The following PCDHGC3 variants were observed in gnomAD, a reference collection of about 807,000 sequenced individuals.
PCDHGC3 encodes the protein protocadherin gamma subfamily C, 3, also known as protocadherin gamma-C3.
A neutral mutation model predicts 59.2 loss-of-function variants in PCDHGC3; 26 were observed. The observed-to-expected ratio is 0.44, with a 90% CI of 0.32 to 0.61. The LOEUF is 0.61. PCDHGC3 is among the 20% of genes least tolerant of loss of function. PCDHGC3 has a pLI of 0.05. For missense variants in PCDHGC3, 1,080 were observed against 1,221.8 expected, an observed-to-expected ratio of 0.88 and a Z score of 1.73; for synonymous variants, 487 against 519.7, an observed-to-expected ratio of 0.94 and a Z score of 0.86.
chr5:141,503,528 G>A (rs1411240550), intron 2 of PCDHGC3, among the ~76,000 whole-genome samples: 2 of 151,470 alleles, frequency 1.3e-5, no homozygotes, highest in Non-Finnish European at 2.9e-5. Flanking sequence ...GAACCTGGGA[G>A]GCAGAGGTTG....
At chr5:141,494,188 T>C (rs2099752632) in intron 1 of PCDHGC3, among the ~76,000 whole-genome samples, 1 of 152,186 alleles carries the variant, frequency 6.6e-6, no homozygotes, top group South Asian at 2.1e-4. Flanking sequence ...GTCCCGGGAC[T>C]TGGATGCCCC....
chr5:141,487,656 C>G lies in PCDHGC3; in HGVS notation c.2431-7151C>G. ...GCTCAACAAATGCTTGAGGGTTATT[C>G]TGATCCAGGCATATGGCTAGGCCAT... On this transcript the variant is annotated intron_variant, in intron 1 of 3. Coordinates refer to ENST00000308177, the MANE Select transcript of PCDHGC3 (RefSeq NM_002588.4). The surrounding 1 kb of genome is among the most constrained non-coding windows in gnomAD (Gnocchi z 5.0). 6.2e-7 allele frequency: 1 copy of G among 1,613,658 alleles called. No individual in the cohort carries two copies. Among genetic ancestry groups the G allele is most frequent in the Non-Finnish European group, 8.5e-7 (1 of 1,179,794 alleles).
rs964965013 is a variant in PCDHGC3 at position 141,489,097 on chromosome 5, C to G, written c.2431-5710C>G. The G allele has an allele frequency of 6.4e-6, 2 of 313,448 alleles. No homozygotes were observed. The highest frequency in any genetic ancestry group is 1.1e-4 in the South Asian group (2 of 18,596). 19.4% of individuals were successfully genotyped at this position (313,448 alleles called of 1,614,324 possible). The stretch of plus-strand genomic sequence containing the variant: ...ACCCCCGCCACTCGGTGACTAAGAA[C>G]TGCTGCAAGCAGGCAAACCTCCGAG... On this transcript the variant is annotated intron_variant, in intron 1 of 3. Coordinates refer to ENST00000308177, the MANE Select transcript of PCDHGC3 (RefSeq NM_002588.4). This position sits in a 1 kb window ranked among gnomAD's most constrained non-coding sequence, Gnocchi z 4.5.
rs775204388 is a variant in PCDHGC3, at chr5:141,490,235, G to T, written c.2431-4572G>T. On this transcript the variant is annotated intron_variant, in intron 1 of 3. Transcript: ENST00000308177. This position sits in a 1 kb window ranked among gnomAD's most constrained non-coding sequence, Gnocchi z 5.4. ...GACCAGGGACAGCCTGCCATGGAGG[G>T]CCACTGTGTGATTCAAGTGGATGTG... 1 of 1,614,228 alleles carries T rather than the reference G, an allele frequency of 6.2e-7. No homozygotes were observed. The highest frequency in any genetic ancestry group is 1.1e-5 in the South Asian group (1 of 91,084).
At position 141,499,673 on chromosome 5, in the gene PCDHGC3, C is replaced by A. The variant is rs1193484216; in HGVS notation, c.2489+4808C>A. Among the ~76,000 whole-genome samples the A allele has an allele frequency of 2.7e-5, 4 of 150,550 alleles. No individual in the cohort carries two copies. In the East Asian group the frequency reaches 7.8e-4, roughly 29 times the overall value. On this transcript the variant is annotated intron_variant, in intron 2 of 3. Transcript: ENST00000308177. ...CATATAATTTCATCTTGGTCTCCACCATCTTTAACAGATGACTTTTTTTTT... is the reference window on the plus strand; with the variant it reads ...CATATAATTTCATCTTGGTCTCCACAATCTTTAACAGATGACTTTTTTTTT...
chr5:141,503,136 A>G (rs1352550702), intron 2 of PCDHGC3, among the ~76,000 whole-genome samples: 5 of 151,846 alleles, frequency 3.3e-5, no homozygotes, highest in Admixed American at 2.0e-4. Context: ...GTAGCCCCTG[A>G]CACAGCCCAT....
In PCDHGC3 at chr5:141,511,519, C is replaced by G; in HGVS notation, c.*346C>G. 2.7e-6 allele frequency: 1 copy of G among 367,516 alleles called. No homozygotes were observed. Among genetic ancestry groups the G allele is most frequent in the African/African-American group, 2.1e-5 (1 of 48,286 alleles). 22.8% of individuals were successfully genotyped at this position (367,516 alleles called of 1,614,324 possible). A position where few individuals can be genotyped will look rare whatever the true frequency, so the allele number is the denominator to read the frequency against. ...CCAAATCAATCAGGCCCATCCATCC[C>G]ATGCCTCCCTCCTCCCCACCCCACT... On this transcript the variant is annotated 3_prime_UTR_variant, in exon 4 of 4. Coordinates refer to ENST00000308177, the MANE Select transcript of PCDHGC3 (RefSeq NM_002588.4).
chr5:141,494,100 G>A (rs559145191), intron 1 of PCDHGC3, among the ~76,000 whole-genome samples: 7 of 152,270 alleles, frequency 4.6e-5, no homozygotes, highest in South Asian at 2.1e-4. Flanking sequence ...ATTTTTCTCC[G>A]TCTCAGACAG....
In PCDHGC3 at chr5:141,487,227, G is replaced by A. The variant is rs763361726; in HGVS notation, c.2431-7580G>A. The A allele has an allele frequency of 6.2e-7, 1 of 1,614,070 alleles. No individual in the cohort carries two copies. Among genetic ancestry groups the A allele is most frequent in the Non-Finnish European group, 8.5e-7 (1 of 1,179,952 alleles). On this transcript the variant is annotated intron_variant, in intron 1 of 3. Transcript: ENST00000308177. The surrounding 1 kb of genome is among the most constrained non-coding windows in gnomAD (Gnocchi z 5.0). The stretch of plus-strand genomic sequence containing the variant: ...CGAGAATCTTCAGCTCCAAGGGAAG[G>A]AGAATCTCGTCTAACCCTCTACTTG...
rs2099745591 is a variant in PCDHGC3, at chr5:141,492,999, T to C, written c.2431-1808T>C. Among the ~76,000 whole-genome samples, 3 of 152,350 alleles carry C rather than the reference T, an allele frequency of 2.0e-5. No homozygotes were observed. In the South Asian group the frequency reaches 6.2e-4, roughly 32 times the overall value. ...CTGTCTCCTCTGGCAGATGGAAAGCTATAGGCTCTGCCAGATGCCAGGGTG... is the reference window on the plus strand; with the variant it reads ...CTGTCTCCTCTGGCAGATGGAAAGCCATAGGCTCTGCCAGATGCCAGGGTG... On this transcript the variant is annotated intron_variant, in intron 1 of 3. Coordinates refer to ENST00000308177, the MANE Select transcript of PCDHGC3 (RefSeq NM_002588.4).
intron 3 of PCDHGC3, among the ~76,000 whole-genome samples, chr5:141,509,139 A>G (rs1042555376): frequency 2.6e-5 from 4 of 152,140 alleles, no homozygotes; most frequent in African/African-American, 9.7e-5. Flanking sequence ...ACCGAGGCGC[A>G]TCCCGGCTCT....
chr5:141,476,238 G>C lies in PCDHGC3; in HGVS notation c.122G>C (p.Arg41Thr), dbSNP rs764976894. ...ATTCACTATGAGATCCCGGAGGAAA[G>C]AGAGAAGGGTTTCGCTGTGGGCAAC... ...TVIHYEIPEE[R>T]EKGFAVGNVV... The change falls in exon 1 of 4, where the codon AGA (arginine) becomes ACA (threonine). Residue 41 changes from arginine to threonine, a missense_variant. Coordinates refer to ENST00000308177, the MANE Select transcript of PCDHGC3 (RefSeq NM_002588.4). The surrounding 1 kb of genome is among the most constrained non-coding windows in gnomAD (Gnocchi z 7.6). 1 of 1,614,098 alleles carries C rather than the reference G, an allele frequency of 6.2e-7. No individual in the cohort carries two copies.
At chr5:141,484,989 T>C (rs1295192640) in intron 1 of PCDHGC3, 4 of 604,024 alleles carry the variant, frequency 6.6e-6, no homozygotes, top group Non-Finnish European at 1.2e-5. Context: ...AATCGGGTGG[T>C]GAAAGGCAGA....
chr5:141,509,224 T>G (rs1241668369), intron 3 of PCDHGC3, among the ~76,000 whole-genome samples: 3 of 152,176 alleles, frequency 2.0e-5, no homozygotes, highest in Non-Finnish European at 2.9e-5. Flanking sequence ...AATCCCTGGT[T>G]GATGTCCCAG....
chr5:141,486,608 G>A lies in PCDHGC3; in HGVS notation c.2430+8062G>A. On this transcript the variant is annotated intron_variant, in intron 1 of 3. Transcript: ENST00000308177. The surrounding 1 kb of genome is among the most constrained non-coding windows in gnomAD (Gnocchi z 5.0). ...AGGGGACCTGCTTTGCTCCCTTGCAGCCTCTGACCCAGACTCTGGCTTGAA... is the reference window on the plus strand; with the variant it reads ...AGGGGACCTGCTTTGCTCCCTTGCAACCTCTGACCCAGACTCTGGCTTGAA... 3 of 1,613,546 alleles carry A rather than the reference G, an allele frequency of 1.9e-6. No homozygotes were observed. The highest frequency in any genetic ancestry group is 2.5e-6 in the Non-Finnish European group (3 of 1,180,024).
intron 3 of PCDHGC3, among the ~76,000 whole-genome samples, chr5:141,510,329 A>T (rs1433056614): frequency 2.7e-5 from 4 of 150,230 alleles, no homozygotes; most frequent in Admixed American, 2.7e-4. Flanking sequence ...AGCACTCTTC[A>T]CCCCCACCCC....
Position 141,477,230 on chromosome 5 carries a change from G to A in PCDHGC3, c.1114G>A (p.Ala372Thr), listed in dbSNP as rs768648952. The A allele has an allele frequency of 1.3e-5, 21 of 1,614,164 alleles. No individual in the cohort carries two copies. The highest frequency in any genetic ancestry group is 1.8e-5 in the Non-Finnish European group (21 of 1,180,046). The change falls in exon 1 of 4, where the codon GCT becomes ACT. Residue 372 changes from alanine (A) to threonine (T), a missense_variant. Ala to Thr is a moderately conservative substitution (Grantham distance 58). Coordinates refer to ENST00000308177, the MANE Select transcript of PCDHGC3 (RefSeq NM_002588.4). This position sits in a 1 kb window ranked among gnomAD's most constrained non-coding sequence, Gnocchi z 4.9. ...GGATGCCCCTCTGGGGACTGTCATC[G>A]CTTTGCTCAGTGTGACTGACCTGGA... ...PEDAPLGTVI[A>T]LLSVTDLDAG...
In PCDHGC3 at chr5:141,478,384, T is replaced by G; in HGVS notation, c.2268T>G (p.Leu756=). 1 of 1,613,658 alleles carries G rather than the reference T, an allele frequency of 6.2e-7. No homozygotes were observed. The highest frequency in any genetic ancestry group is 1.1e-5 in the South Asian group (1 of 91,086). ...AVRGGLMSPH[L]YHQVYLTTDS... ...GGGGAGGCCTGATGTCGCCGCACCT[T>G]TACCATCAGGTGTATCTCACCACGG... is the stretch of plus-strand genomic sequence containing the variant. Residue 756 remains leucine, a synonymous_variant, in exon 1 of 4, where the codon CTT becomes CTG. Coordinates refer to ENST00000308177, the MANE Select transcript of PCDHGC3 (RefSeq NM_002588.4).
rs1342481070 is a variant in PCDHGC3 at position 141,485,056 on chromosome 5, C to T, written c.2430+6510C>T. 8 of 840,338 alleles carry T rather than the reference C, an allele frequency of 9.5e-6. No homozygotes were observed. The Admixed American group carries it at 1.9e-4, about 20-fold the overall frequency. 52.1% of individuals were successfully genotyped at this position (840,338 alleles called of 1,614,324 possible). A position where few individuals can be genotyped will look rare whatever the true frequency, so the allele number is the denominator to read the frequency against. The stretch of plus-strand genomic sequence containing the variant: ...CGTAACCCTTGCGGCGCCGGCCGAA[C>T]CGCGCCAGAGCTGGCGCGGGGAAAG... On this transcript the variant is annotated intron_variant, in intron 1 of 3. Transcript: ENST00000308177. The surrounding 1 kb of genome is among the most constrained non-coding windows in gnomAD (Gnocchi z 5.7).
Sources: allele counts gnomAD v4.1 joint callset (sites outside exome capture counted in the v4.1 genomes callset), GRCh38; gene constraint gnomAD v4.1.1; non-coding constraint Gnocchi (gnomAD v3.1); transcripts MANE v1.5; gene names NCBI Gene and HGNC (gene_info 2026-07-23, HGNC 2026-07-21).